Variants in SCAPER observed in about 807,000 individuals in gnomAD.
SCAPER encodes the protein S phase cyclin A-associated protein in the endoplasmic reticulum.
In SCAPER, 98 loss-of-function variants were observed where a neutral mutation model predicts 182.2. The ratio of observed to expected loss-of-function variants is 0.54; its 90% CI spans 0.46 to 0.64. The LOEUF (loss-of-function observed/expected upper bound fraction) is 0.64, where lower values mean the gene tolerates loss of function less well. Ranked by LOEUF, SCAPER falls within the 30% of genes least tolerant of loss-of-function variation. The pLI is 0.00. For synonymous variants in SCAPER, 605 were observed against 564.6 expected, an observed-to-expected ratio of 1.07 and a Z score of -1.01; for missense variants, 1,432 against 1,690.0, an observed-to-expected ratio of 0.85 and a Z score of 2.68.
chr15:76,774,769 AT>A (rs1400538026), intron 9 of SCAPER, 85 bp downstream of exon 9: 14 of 1,393,274 alleles, frequency 1.0e-5, no homozygotes, highest in Non-Finnish European at 1.3e-5. Context: ...AAGTTAAAAA[AT>A]GAAGTACAAA....
rs528305177 is a variant in SCAPER, at chr15:76,598,009, C to T, written c.2712-23725G>A. Among the ~76,000 whole-genome samples, 5 of 119,878 alleles carry T rather than the reference C, an allele frequency of 4.2e-5. 1 individual carries two copies. The highest frequency in any genetic ancestry group is 1.3e-4 in the African/African-American group (5 of 39,452). 78.6% of individuals were successfully genotyped at this position (119,878 alleles called of 152,430 possible). On this transcript the variant is annotated intron_variant, in intron 22 of 31. Coordinates refer to ENST00000563290, the MANE Select transcript of SCAPER (RefSeq NM_020843.4). Reference sequence around the variant, plus strand: ...CAGAAGAAACTATCAACAGAGTGAACAGGGAACCTACAGAATGGGAGAAAA... The same window carrying T: ...CAGAAGAAACTATCAACAGAGTGAATAGGGAACCTACAGAATGGGAGAAAA...
intron 3 of SCAPER, chr15:76,862,013 G>C (rs2071916911): frequency 6.5e-6 from 1 of 153,396 alleles, no homozygotes; most frequent in Non-Finnish European, 1.4e-5. Flanking sequence ...ACTGTCACGA[G>C]AACAGCATGG....
intron 22 of SCAPER, among the ~76,000 whole-genome samples, chr15:76,606,448 A>T (rs1299569626): frequency 3.9e-5 from 6 of 152,108 alleles, no homozygotes; most frequent in Admixed American, 3.9e-4. Context: ...TATGTGGTCA[A>T]TTTGGGGTAG....
intron 23 of SCAPER, among the ~76,000 whole-genome samples, chr15:76,559,189 C>A (rs1281594160): frequency 1.3e-5 from 2 of 150,192 alleles, no homozygotes; most frequent in East Asian, 3.9e-4. Flanking sequence ...CACCCACCAC[C>A]ACACCCAGCT....
intron 5 of SCAPER, among the ~76,000 whole-genome samples, chr15:76,814,693 T>C (rs2066927072): frequency 1.3e-5 from 2 of 152,098 alleles, no homozygotes; most frequent in South Asian, 2.1e-4. Context: ...TCCTTAATAG[T>C]GACCTCAAGC....
At chr15:76,452,882 AT>A (rs1354690085) in intron 25 of SCAPER, among the ~76,000 whole-genome samples, 2 of 152,098 alleles carry the variant, frequency 1.3e-5, no homozygotes, top group Non-Finnish European at 2.9e-5. Context: ...CCGGGGTAGA[AT>A]GCACTGGTGC....
At chr15:76,642,191 T>C (rs918787327) in intron 21 of SCAPER, among the ~76,000 whole-genome samples, 1 of 152,240 alleles carries the variant, frequency 6.6e-6, no homozygotes, top group Non-Finnish European at 1.5e-5. Context: ...AAACTTCATA[T>C]ACCAAGACAA....
chr15:76,684,258 C>T (rs74465310), intron 20 of SCAPER, among the ~76,000 whole-genome samples: 7,379 of 152,158 alleles, frequency 0.048, 221 homozygotes, highest in South Asian at 0.12. Context: ...TTAAAAGGCA[C>T]AGAGTGGCAA....
At chr15:76,410,660 G>A (rs2045220542) in intron 26 of SCAPER, among the ~76,000 whole-genome samples, 2 of 152,124 alleles carry the variant, frequency 1.3e-5, no homozygotes, top group Admixed American at 1.3e-4. Flanking sequence ...AAGTTACTGT[G>A]GGATATTAGA....
Position 76,701,760 on chromosome 15 carries a change from C to A in SCAPER, c.2506G>T (p.Val836Leu), listed in dbSNP as rs1196608062. 1 of 1,612,816 alleles carries A rather than the reference C, an allele frequency of 6.2e-7. No homozygotes were observed. Among genetic ancestry groups the A allele is most frequent in the East Asian group, 2.2e-5 (1 of 44,838 alleles). Residue 836 changes from valine to leucine, a missense_variant and splice_region_variant, in exon 20 of 32, where the codon GTG becomes TTG. Physicochemically the swap from Val to Leu is conservative, Grantham distance 32. Transcript: ENST00000563290. Reference protein sequence around the residue: ...IQGRELSDEEVEHLSLKKYII... With the variant: ...IQGRELSDEELEHLSLKKYII... ...AAATGAACAAAAATAAAGTTTACCA[C>A]TTCTTCATCTGACAGTTCACGCCCC...
chr15:76,680,031 T>A (rs1009913807), intron 20 of SCAPER, among the ~76,000 whole-genome samples: 1 of 152,146 alleles, frequency 6.6e-6, no homozygotes, highest in Non-Finnish European at 1.5e-5. Flanking sequence ...ACAGGCTTCA[T>A]CCTTAGAAAA....
chr15:76,710,989 C>A (rs556765031), intron 17 of SCAPER, among the ~76,000 whole-genome samples: 1 of 152,042 alleles, frequency 6.6e-6, no homozygotes, highest in East Asian at 1.9e-4. Context: ...AAAGGATAAC[C>A]TTTTCAATAA....
chr15:76,823,604 C>T (rs991042000), intron 5 of SCAPER, among the ~76,000 whole-genome samples: 4 of 151,896 alleles, frequency 2.6e-5, no homozygotes, highest in African/African-American at 9.7e-5. Flanking sequence ...AAATGAAATA[C>T]AGTACCACCC....
intron 23 of SCAPER, among the ~76,000 whole-genome samples, chr15:76,519,310 TA>T (rs1038356084): frequency 7.3e-5 from 11 of 151,148 alleles, no homozygotes; most frequent in African/African-American, 2.4e-4. Context: ...GTAAAGATCC[TA>T]AAAAAAAACT....
At chr15:76,616,047 T>A (rs2051454901) in intron 22 of SCAPER, among the ~76,000 whole-genome samples, 1 of 152,156 alleles carries the variant, frequency 6.6e-6, no homozygotes, top group Non-Finnish European at 1.5e-5. Context: ...GTATAGCTAC[T>A]GTGGAAAACA....
chr15:76,685,455 G>C (rs1347720171), intron 20 of SCAPER, among the ~76,000 whole-genome samples: 1 of 152,010 alleles, frequency 6.6e-6, no homozygotes, highest in African/African-American at 2.4e-5. Context: ...TAACAAGAGG[G>C]CTAAATATGA....
intron 3 of SCAPER, among the ~76,000 whole-genome samples, chr15:76,860,916 A>G (rs2071811674): frequency 6.6e-6 from 1 of 152,214 alleles, no homozygotes; most frequent in Admixed American, 6.5e-5. Flanking sequence ...GAGCCAAGTT[A>G]AAGGGTCTCC....
At chr15:76,844,079 C>T (rs972913567) in intron 4 of SCAPER, among the ~76,000 whole-genome samples, 2 of 152,088 alleles carry the variant, frequency 1.3e-5, no homozygotes, top group Non-Finnish European at 2.9e-5. Context: ...CTCAAATTAA[C>T]TTAAGTGATG....
chr15:76,778,722 G>A (rs1416360821), intron 8 of SCAPER, among the ~76,000 whole-genome samples: 3 of 151,506 alleles, frequency 2.0e-5, no homozygotes, highest in African/African-American at 7.3e-5. Context: ...TTAAGTATTA[G>A]TTTAAGTACA....
Sources: allele counts gnomAD v4.1 joint callset (sites outside exome capture counted in the v4.1 genomes callset), GRCh38; gene constraint gnomAD v4.1.1; transcripts MANE v1.5; gene names NCBI Gene and HGNC (gene_info 2026-07-23, HGNC 2026-07-21).